PLXNA2: variants seen among roughly 807,000 people sequenced by gnomAD.
PLXNA2 encodes plexin-A2.
A neutral mutation model predicts 193.5 loss-of-function variants in PLXNA2; 91 were observed. That is an observed-to-expected ratio of 0.47 (90% CI 0.40 to 0.56). The LOEUF (loss-of-function observed/expected upper bound fraction) is 0.56, where lower values mean the gene tolerates loss of function less well. Ranked by LOEUF, PLXNA2 falls within the 20% of genes least tolerant of loss-of-function variation. PLXNA2 has a pLI of 0.00. For missense variants in PLXNA2, 1,995 were observed against 2,503.2 expected, an observed-to-expected ratio of 0.80 and a Z score of 4.33; for synonymous variants, 997 against 1,027.3, an observed-to-expected ratio of 0.97 and a Z score of 0.56.
At chr1:208,133,069 T>C (rs933566487) in intron 4 of PLXNA2, among the ~76,000 whole-genome samples, 1 of 152,108 alleles carries the variant, frequency 6.6e-6, no homozygotes, top group Non-Finnish European at 1.5e-5. Flanking sequence ...AGACCTCTCA[T>C]CTCCTCTTCT....
chr1:208,240,223 G>A (rs1194597930), intron 1 of PLXNA2, among the ~76,000 whole-genome samples: 3 of 152,208 alleles, frequency 2.0e-5, no homozygotes, highest in Non-Finnish European at 4.4e-5. Flanking sequence ...GGAGCAGTGT[G>A]GAGCTAGATA....
intron 28 of PLXNA2, among the ~76,000 whole-genome samples, chr1:208,032,390 A>G (rs536607006): frequency 6.4e-4 from 98 of 152,168 alleles, no homozygotes; most frequent in Non-Finnish European, 1.3e-3. Flanking sequence ...GGGTCAGCAG[A>G]AACCTCTAGC....
intron 1 of PLXNA2, among the ~76,000 whole-genome samples, chr1:208,243,330 C>A (rs1177507846): frequency 3.3e-5 from 5 of 152,134 alleles, no homozygotes; most frequent in Non-Finnish European, 7.4e-5. Context: ...CCGGCAGGTG[C>A]GCGGTGGAGG....
chr1:208,136,608 T>C (rs952561045), intron 4 of PLXNA2, among the ~76,000 whole-genome samples: 1 of 152,178 alleles, frequency 6.6e-6, no homozygotes, highest in Admixed American at 6.5e-5. Context: ...TGCCTGCCTG[T>C]ATATTGAGGG....
rs1413639768 is a variant in PLXNA2 at position 208,028,918 on chromosome 1, T to C, written c.5350A>G (p.Thr1784Ala). 5 of 1,614,072 alleles carry C rather than the reference T, an allele frequency of 3.1e-6. No individual in the cohort carries two copies. The highest frequency in any genetic ancestry group is 1.7e-5 in the Admixed American group (1 of 60,004). The part of the protein sequence containing the change: ...VAQTFMDSCS[T>A]SEHRLGKDSP... ...TCCTTGCCCAGCCGGTGCTCTGACG[T>C]TGAACAAGAGTCCATGAAGGTCTGG... The change falls in exon 30 of 32, where the codon ACG becomes GCG. Residue 1784 changes from threonine to alanine, a missense_variant. Around this residue, in one of 3 missense-constraint regions of PLXNA2, gnomAD observed 1,291 missense variants for 1,673.6 expected, o/e 0.77. Coordinates refer to ENST00000367033, the MANE Select transcript of PLXNA2 (RefSeq NM_025179.4). The surrounding 1 kb of genome is among the most constrained non-coding windows in gnomAD (Gnocchi z 4.2).
In PLXNA2 at chr1:208,103,263, A is replaced by C. The variant is rs769777424; in HGVS notation, c.1507-16T>G. Reference sequence around the variant, plus strand: ...CCCTGGTGACCTGGCAGAGAGAGCAAAGAGGGTACAGTGAGGTTAGGCTGT... The same window carrying C: ...CCCTGGTGACCTGGCAGAGAGAGCACAGAGGGTACAGTGAGGTTAGGCTGT... On this transcript the variant is annotated splice_polypyrimidine_tract_variant and intron_variant, in intron 4 of 31. Coordinates refer to ENST00000367033, the MANE Select transcript of PLXNA2 (RefSeq NM_025179.4). 1 of 1,599,716 alleles carries C rather than the reference A, an allele frequency of 6.3e-7. No homozygotes were observed. Among genetic ancestry groups the C allele is most frequent in the South Asian group, 1.1e-5 (1 of 90,174 alleles).
intron 3 of PLXNA2, among the ~76,000 whole-genome samples, chr1:208,174,144 C>G (rs1044859090): frequency 3.9e-5 from 6 of 152,204 alleles, no homozygotes; most frequent in African/African-American, 1.4e-4. Flanking sequence ...CTGGTTTTTG[C>G]AAATGTGTCT....
intron 18 of PLXNA2, 30 bp from the exon 19 acceptor site, chr1:208,045,240 A>G: frequency 6.2e-7 from 1 of 1,607,520 alleles, no homozygotes; most frequent in Non-Finnish European, 8.5e-7. Context: ...TTATAGGCAT[A>G]ATTGACACAT....
At chr1:208,123,278 G>T (rs766017167) in intron 4 of PLXNA2, among the ~76,000 whole-genome samples, 1 of 152,204 alleles carries the variant, frequency 6.6e-6, no homozygotes, top group African/African-American at 2.4e-5. Flanking sequence ...AGGCAAGAAG[G>T]TGAAAGAAAG....
intron 4 of PLXNA2, among the ~76,000 whole-genome samples, chr1:208,140,628 C>T (rs1470041001): frequency 2.0e-5 from 3 of 152,198 alleles, no homozygotes; most frequent in Admixed American, 6.5e-5. Context: ...TGGAATGGTG[C>T]TCATCAAATG....
chr1:208,106,535 T>C (rs1667276495), intron 4 of PLXNA2, among the ~76,000 whole-genome samples: 1 of 152,220 alleles, frequency 6.6e-6, no homozygotes, highest in Non-Finnish European at 1.5e-5. Context: ...CAATAGCCAC[T>C]AGCTTCATGC....
At chr1:208,201,364 A>G (rs1355808234) in intron 3 of PLXNA2, among the ~76,000 whole-genome samples, 2 of 152,220 alleles carry the variant, frequency 1.3e-5, no homozygotes, top group African/African-American at 4.8e-5. Context: ...GGGTCAGTAC[A>G]TATTGTTTGG....
chr1:208,203,862 G>A (rs1211797812), intron 3 of PLXNA2, among the ~76,000 whole-genome samples: 1 of 152,212 alleles, frequency 6.6e-6, no homozygotes, highest in African/African-American at 2.4e-5. Flanking sequence ...TAAACAGTCA[G>A]TGTTATCAAA....
chr1:208,110,003 T>C (rs13375154), intron 4 of PLXNA2, among the ~76,000 whole-genome samples: 214 of 152,290 alleles, frequency 1.4e-3, no homozygotes, highest in African/African-American at 4.7e-3. Flanking sequence ...GCAATTAACA[T>C]GGAGATGTTG....
At position 208,023,371 on chromosome 1, in the gene PLXNA2, T is replaced by A. The variant is rs947271443; in HGVS notation, c.*3872A>T. 6.5e-6 allele frequency: 1 copy of A among 152,736 alleles called. No homozygotes were observed. Among genetic ancestry groups the A allele is most frequent in the Non-Finnish European group, 1.5e-5 (1 of 68,118 alleles). The allele number at this position is 152,736 out of a possible 1,614,324, so 9.5% of individuals were successfully genotyped here. ...CAACCGGGATGCACCTGGAGATTTA[T>A]CAGCCAGAAGCTTTCAAATGCTCCC... On this transcript the variant is annotated 3_prime_UTR_variant, in exon 32 of 32. Coordinates refer to ENST00000367033, the MANE Select transcript of PLXNA2 (RefSeq NM_025179.4).
chr1:208,201,973 A>ATTTTTTTTT (rs59313982), intron 3 of PLXNA2, among the ~76,000 whole-genome samples: 4 of 132,626 alleles, frequency 3.0e-5, no homozygotes, highest in Non-Finnish European at 3.3e-5. Flanking sequence ...CAGGGCAAGA[A>ATTTTTTTTT]TTTTTTTTTT....
intron 4 of PLXNA2, among the ~76,000 whole-genome samples, chr1:208,111,175 C>G (rs556895955): frequency 1.3e-5 from 2 of 152,240 alleles, no homozygotes; most frequent in African/African-American, 4.8e-5. Flanking sequence ...CTCAGCCCTC[C>G]TGAGTAGCTG....
chr1:208,121,852 ACACT>A (rs1381249741), intron 4 of PLXNA2, among the ~76,000 whole-genome samples: 2 of 152,096 alleles, frequency 1.3e-5, no homozygotes. Context: ...TCCATACCAC[ACACT>A]CACAGTGCAC....
intron 3 of PLXNA2, among the ~76,000 whole-genome samples, chr1:208,176,003 C>G (rs919647888): frequency 1.8e-4 from 28 of 152,196 alleles, no homozygotes; most frequent in African/African-American, 6.8e-4. Context: ...ACCAGCCTTA[C>G]GTACCCTCCT....
Sources: allele counts gnomAD v4.1 joint callset (sites outside exome capture counted in the v4.1 genomes callset), GRCh38; gene constraint gnomAD v4.1.1; regional missense constraint gnomAD v4.1.1; non-coding constraint Gnocchi (gnomAD v3.1); transcripts MANE v1.5; gene names NCBI Gene and HGNC (gene_info 2026-07-23, HGNC 2026-07-21).